The following POU6F1 variants were observed in gnomAD, a reference collection of about 807,000 sequenced individuals.
The protein encoded by POU6F1 is POU class 6 homeobox 1, also known as POU domain, class 6, transcription factor 1.
POU6F1 carries 9 observed loss-of-function variants against 28.9 expected under a neutral mutation model. That is an observed-to-expected ratio of 0.31 (90% CI 0.19 to 0.54). POU6F1 has a LOEUF of 0.54. Ranked by LOEUF, POU6F1 falls within the 20% of genes least tolerant of loss-of-function variation. The probability of loss-of-function intolerance (pLI) is 0.94; values close to 1 mark genes in which losing one functional copy is unlikely to be tolerated. For missense variants in POU6F1, 338 were observed against 426.1 expected, an observed-to-expected ratio of 0.79 and a Z score of 1.82; for synonymous variants, 173 against 171.1, an observed-to-expected ratio of 1.01 and a Z score of -0.09.
rs1265706234 is a variant in POU6F1, at chr12:51,190,613, G to C, written c.1491-21C>G. On this transcript the variant is annotated intron_variant, in intron 10 of 10. Transcript: ENST00000333640. This position sits in a 1 kb window ranked among gnomAD's most constrained non-coding sequence, Gnocchi z 4.5. ...CGAACCTGTGGGCAACCCATACCCA[G>C]GAAGAGGCAGTGAGAGCATGTTGGT... The C allele has an allele frequency of 6.2e-7, 1 of 1,607,416 alleles. No individual in the cohort carries two copies. The highest frequency in any genetic ancestry group is 1.7e-5 in the Admixed American group (1 of 59,440).
chr12:51,206,538 T>C (rs1452531045), intron 2 of POU6F1, among the ~76,000 whole-genome samples: 1 of 151,866 alleles, frequency 6.6e-6, no homozygotes, highest in East Asian at 1.9e-4. Context: ...GTAAATTACC[T>C]GATGTTCAAA....
In POU6F1 at chr12:51,206,694, A is replaced by T. The variant is rs760261321; in HGVS notation, c.48+95T>A. 3.0e-4 allele frequency: 121 copies of T among 398,374 alleles called. 1 individual carries two copies. The highest frequency in any genetic ancestry group is 2.8e-4 in the Non-Finnish European group (63 of 225,802). 24.7% of individuals were successfully genotyped at this position (398,374 alleles called of 1,614,324 possible). ...TGAAGTGATGGTGAACCCTGGTAAG[A>T]AACAGAGAGTGAAGGGCCCTGTGGA... is the stretch of plus-strand genomic sequence containing the variant. On this transcript the variant is annotated intron_variant, in intron 2 of 10. Coordinates refer to ENST00000333640, the MANE Select transcript of POU6F1 (RefSeq NM_001330422.2).
intron 2 of POU6F1, among the ~76,000 whole-genome samples, chr12:51,205,132 C>G (rs933881730): frequency 2.0e-5 from 3 of 151,450 alleles, no homozygotes; most frequent in African/African-American, 7.3e-5. Flanking sequence ...TCCACCCCCC[C>G]GGGTTCACGC....
At chr12:51,212,653 G>T (rs113747073) in intron 1 of POU6F1, among the ~76,000 whole-genome samples, 13 of 151,150 alleles carry the variant, frequency 8.6e-5, no homozygotes, top group Admixed American at 3.3e-4. Context: ...GGTGGCACAT[G>T]CCTGTAATCC....
intron 1 of POU6F1, among the ~76,000 whole-genome samples, chr12:51,215,576 A>AAG (rs1555163547): frequency 1.3e-5 from 2 of 150,894 alleles, no homozygotes; most frequent in East Asian, 1.9e-4. Context: ...AAAAAAAAAA[A>AAG]AGAGAGATTT....
At chr12:51,214,292 T>C (rs1256455981) in intron 1 of POU6F1, among the ~76,000 whole-genome samples, 1 of 152,218 alleles carries the variant, frequency 6.6e-6, no homozygotes. Flanking sequence ...TTCATTTTTA[T>C]CTATATGTAC....
rs1307287714 is a variant in POU6F1, at chr12:51,198,605, C to T, written c.537G>A (p.Leu179=). 10 of 399,272 alleles carry T rather than the reference C, an allele frequency of 2.5e-5. No individual in the cohort carries two copies. The East Asian group carries it at 3.6e-4, about 14-fold the overall frequency. The allele number at this position is 399,272 out of a possible 1,614,324, so 24.7% of individuals were successfully genotyped here. A position where few individuals can be genotyped will look rare whatever the true frequency, so the allele number is the denominator to read the frequency against. Reference sequence around the variant, plus strand: ...CTCCCCCCGTAGGAGAAGCAGCGGTCAGTCCTGGGAGGGCAGCCACAGTTG... The same window carrying T: ...CTCCCCCCGTAGGAGAAGCAGCGGTTAGTCCTGGGAGGGCAGCCACAGTTG... The part of the protein sequence containing the change: ...PTATVAALPG[L]TAASPTGGVF... Residue 179 remains leucine, a synonymous_variant, in exon 5 of 11, where the codon CTG becomes CTA. Transcript: ENST00000333640.
In POU6F1 at chr12:51,217,931, TG is replaced by T. The variant is rs973198816; in HGVS notation, c.-338del. Among the ~76,000 whole-genome samples the T allele has an allele frequency of 1.1e-4, 16 of 151,000 alleles. No homozygotes were observed. In the East Asian group the frequency reaches 3.0e-3, roughly 28 times the overall value. The stretch of plus-strand genomic sequence containing the variant: ...CGGGAAGCGGGAAGGGGAAGCCGGG[TG>T]GGGGGGCGGTCAGGTATATATTTTT... On this transcript the variant is annotated 5_prime_UTR_variant, in exon 1 of 11. Transcript: ENST00000333640. The surrounding 1 kb of genome is among the most constrained non-coding windows in gnomAD (Gnocchi z 5.3).
rs1944356292 is a variant in POU6F1, at chr12:51,217,605, G to A, written c.-48+37C>T. 7.0e-6 allele frequency: 1 copy of A among 142,290 alleles called. No individual in the cohort carries two copies. 8.8% of individuals were successfully genotyped at this position (142,290 alleles called of 1,614,324 possible). A position where few individuals can be genotyped will look rare whatever the true frequency, so the allele number is the denominator to read the frequency against. ...CCCCTGCCCGGCCCCCTCCCCCTCC[G>A]TGCAAACCCCTCCCCGCCCCGGACC... is the stretch of plus-strand genomic sequence containing the variant. On this transcript the variant is annotated intron_variant, in intron 1 of 10. Transcript: ENST00000333640. This position sits in a 1 kb window ranked among gnomAD's most constrained non-coding sequence, Gnocchi z 5.3.
chr12:51,197,598 CG>C (rs1435871264), intron 6 of POU6F1, among the ~76,000 whole-genome samples, 171 bp downstream of exon 6: 1 of 152,110 alleles, frequency 6.6e-6, no homozygotes, highest in Non-Finnish European at 1.5e-5. Context: ...CTGGGATGGA[CG>C]GGCTGGCAGC....
In POU6F1 at chr12:51,199,967, C is replaced by T. The variant is rs1473239706; in HGVS notation, c.245-99G>A. The T allele has an allele frequency of 7.5e-6, 3 of 398,814 alleles. No homozygotes were observed. Among genetic ancestry groups the T allele is most frequent in the East Asian group, 3.6e-5 (1 of 28,060 alleles). The allele number at this position is 398,814 out of a possible 1,614,324, so 24.7% of individuals were successfully genotyped here. On this transcript the variant is annotated intron_variant, in intron 3 of 10. Transcript: ENST00000333640. This position sits in a 1 kb window ranked among gnomAD's most constrained non-coding sequence, Gnocchi z 4.1. The stretch of plus-strand genomic sequence containing the variant: ...ATGACATCCCATCTGCAGCCTGAAG[C>T]GGGGACCCTCAGCCCCATGCTGCAT...
At chr12:51,192,099 G>A in intron 9 of POU6F1, among the ~76,000 whole-genome samples, 1 of 149,704 alleles carries the variant, frequency 6.7e-6, no homozygotes, top group African/African-American at 2.4e-5. Context: ...GACAGCCCAT[G>A]GCTCGGCCTC....
rs1165440867 is a variant in POU6F1, at chr12:51,217,697, G to A, written c.-103C>T. The A allele has an allele frequency of 1.3e-5, 2 of 152,020 alleles. No individual in the cohort carries two copies. The highest frequency in any genetic ancestry group is 2.9e-5 in the Non-Finnish European group (2 of 67,834). The allele number at this position is 152,020 out of a possible 1,614,324, so 9.4% of individuals were successfully genotyped here. A position where few individuals can be genotyped will look rare whatever the true frequency, so the allele number is the denominator to read the frequency against. On this transcript the variant is annotated 5_prime_UTR_variant, in exon 1 of 11. Transcript: ENST00000333640. This position sits in a 1 kb window ranked among gnomAD's most constrained non-coding sequence, Gnocchi z 5.3. The stretch of plus-strand genomic sequence containing the variant: ...GGGTGTCTGGCGGCCACCGATTAGA[G>A]ATTCATCTCACAGCCCGGGCCAGGG...
chr12:51,205,776 C>A (rs1943556081), intron 2 of POU6F1, among the ~76,000 whole-genome samples: 3 of 151,896 alleles, frequency 2.0e-5, no homozygotes, highest in Admixed American at 2.0e-4. Context: ...AGGGGCTTCA[C>A]TCCAATTACA....
intron 5 of POU6F1, chr12:51,198,305 G>A (rs568654260): frequency 7.3e-5 from 29 of 396,820 alleles, no homozygotes; most frequent in African/African-American, 5.9e-4. Context: ...GGCGTGGGGG[G>A]AGAGGGGCAG....
At chr12:51,196,262 ACTAATGGACAAAT>A in intron 7 of POU6F1, 89 bp from the exon 8 acceptor site, 1 of 1,121,736 alleles carries the variant, frequency 8.9e-7, no homozygotes, top group South Asian at 1.7e-5. Context: ...AGGGGAACAG[ACTAATGGACAAAT>A]CCCTCAACCT....
intron 5 of POU6F1, chr12:51,198,274 G>A: frequency 2.5e-6 from 1 of 396,324 alleles, no homozygotes; most frequent in Non-Finnish European, 4.4e-6. Context: ...TTCCCAGGAG[G>A]CCGGTCATGG....
chr12:51,217,251 G>C lies in POU6F1; in HGVS notation c.-48+391C>G, dbSNP rs1316590727. On this transcript the variant is annotated intron_variant, in intron 1 of 10. Transcript: ENST00000333640. This position sits in a 1 kb window ranked among gnomAD's most constrained non-coding sequence, Gnocchi z 5.3. ...CAAGGATCCGCTTCTGGTCGCCACT[G>C]GTTCTGTGTACAGAGCGTCCCCTGT... Among the ~76,000 whole-genome samples, 1 of 152,188 alleles carries C rather than the reference G, an allele frequency of 6.6e-6. No individual in the cohort carries two copies. Among genetic ancestry groups the C allele is most frequent in the Non-Finnish European group, 1.5e-5 (1 of 68,028 alleles).
chr12:51,195,685 G>A (rs145298063), intron 8 of POU6F1, among the ~76,000 whole-genome samples: 36 of 152,216 alleles, frequency 2.4e-4, no homozygotes, highest in Middle Eastern at 3.4e-3. Flanking sequence ...AGTCTACTTT[G>A]ACCATCACCT....
Sources: allele counts gnomAD v4.1 joint callset (sites outside exome capture counted in the v4.1 genomes callset), GRCh38; gene constraint gnomAD v4.1.1; non-coding constraint Gnocchi (gnomAD v3.1); transcripts MANE v1.5; gene names NCBI Gene and HGNC (gene_info 2026-07-23, HGNC 2026-07-21).